The following IMPA2 variants were observed in gnomAD, a reference collection of about 807,000 sequenced individuals.
The protein encoded by IMPA2 is inositol monophosphatase 2.
Under a neutral mutation model 35.1 loss-of-function variants are expected in IMPA2, and 32 were observed. The ratio of observed to expected loss-of-function variants is 0.91; its 90% CI spans 0.69 to 1.23. The LOEUF is 1.23. Ranked by LOEUF, IMPA2 falls within the 50% of genes most tolerant of loss-of-function variation. IMPA2 has a pLI of 0.00. For synonymous variants in IMPA2, 135 were observed against 160.6 expected (o/e 0.84, Z 1.20); for missense variants, 334 against 387.6 (o/e 0.86, Z 1.16).
chr18:12,007,548 G>A (rs1342039843), intron 2 of IMPA2, among the ~76,000 whole-genome samples: 5 of 151,710 alleles, frequency 3.3e-5, no homozygotes. Context: ...ACCAGAACAT[G>A]GGACGCTTCT....
intron 5 of IMPA2, among the ~76,000 whole-genome samples, chr18:12,024,737 G>T (rs1907832455): frequency 6.7e-6 from 1 of 148,528 alleles, no homozygotes; most frequent in Admixed American, 6.8e-5. Flanking sequence ...CTCCCTCCCT[G>T]CCCTTCCTCC....
intron 1 of IMPA2, among the ~76,000 whole-genome samples, chr18:11,986,846 C>T (rs893013134): frequency 2.0e-5 from 3 of 152,358 alleles, no homozygotes; most frequent in Non-Finnish European, 4.4e-5. Flanking sequence ...CGTGTAGTGG[C>T]CCTGCCCGTG....
rs1435999501 is a variant in IMPA2, at chr18:12,028,866, A to C, written c.624A>C (p.Thr208=). The C allele has an allele frequency of 2.5e-6, 4 of 1,613,974 alleles. No homozygotes were observed. Among genetic ancestry groups the C allele is most frequent in the African/African-American group, 2.7e-5 (2 of 74,904 alleles). The part of the protein sequence containing the change: ...AHGVRVIGSS[T]LALCHLASGA... ...GGGTCCGAGTGATTGGAAGCTCCAC[A>C]TTGGCACTCTGCCACCTGGCCTCAG... Residue 208 remains threonine (T), a synonymous_variant, in exon 7 of 8, where the codon ACA becomes ACC. Transcript: ENST00000269159.
intron 6 of IMPA2, chr18:12,028,432 G>A (rs1907943400): frequency 6.3e-6 from 3 of 472,884 alleles, no homozygotes; most frequent in Non-Finnish European, 1.1e-5. Context: ...AATACTTACA[G>A]TCCTTCCCGA....
chr18:12,013,226 C>T (rs544014184), intron 4 of IMPA2, among the ~76,000 whole-genome samples: 5 of 152,270 alleles, frequency 3.3e-5, no homozygotes, highest in Non-Finnish European at 5.9e-5. Flanking sequence ...TGGTGGGCTC[C>T]TCCCCATGGG....
At chr18:11,993,489 A>T (rs2143783108) in intron 1 of IMPA2, among the ~76,000 whole-genome samples, 1 of 152,294 alleles carries the variant, frequency 6.6e-6, no homozygotes, top group East Asian at 1.9e-4. Flanking sequence ...TCTGGTGTAT[A>T]TGGGTGCATG....
In IMPA2 at chr18:11,986,020, A is replaced by C. The variant is rs149792674; in HGVS notation, c.96+4255A>C. ...TGAACACTTTGTTAGGGTCCCTTGC[A>C]GGCAAGTGGGGGCCTTGATGCTTAA... On this transcript the variant is annotated intron_variant, in intron 1 of 7. Coordinates refer to ENST00000269159, the MANE Select transcript of IMPA2 (RefSeq NM_014214.3). 3.0e-4 allele frequency among the ~76,000 whole-genome samples: 45 copies of C among 152,330 alleles called. No homozygotes were observed. The East Asian group carries it at 8.7e-3, about 29-fold the overall frequency.
In IMPA2 at chr18:11,991,837, C is replaced by A. The variant is rs190226398; in HGVS notation, c.97-7217C>A. ...AGATGCTGATGCCCTCGCAGAAACA[C>A]CCAGAACAATTTTTTTTTTTTTTTG... On this transcript the variant is annotated intron_variant, in intron 1 of 7. Transcript: ENST00000269159. The surrounding 1 kb of genome is among the most constrained non-coding windows in gnomAD (Gnocchi z 4.1). 6.8e-6 allele frequency among the ~76,000 whole-genome samples: 1 copy of A among 146,900 alleles called. No homozygotes were observed. The highest frequency in any genetic ancestry group is 2.6e-5 in the African/African-American group (1 of 37,794).
chr18:12,017,886 C>T, intron 5 of IMPA2: 1 of 268,396 alleles, frequency 3.7e-6, no homozygotes, highest in South Asian at 3.1e-5. Flanking sequence ...GCCACTGCAC[C>T]TGACCATATT....
chr18:12,023,892 C>T (rs532380898), intron 5 of IMPA2, among the ~76,000 whole-genome samples: 7 of 152,106 alleles, frequency 4.6e-5, no homozygotes, highest in African/African-American at 1.4e-4. Context: ...GTTGAGGGGG[C>T]GTATGTATAA....
intron 5 of IMPA2, chr18:12,017,695 T>C: frequency 2.6e-6 from 1 of 386,930 alleles, no homozygotes; most frequent in Non-Finnish European, 5.1e-6. Context: ...TTCAAGCAAT[T>C]CTCCTGCCTC....
rs1212337549 is a variant in IMPA2, at chr18:11,991,963, C to T, written c.97-7091C>T. Among the ~76,000 whole-genome samples the T allele has an allele frequency of 6.6e-6, 1 of 152,126 alleles. No individual in the cohort carries two copies. Among genetic ancestry groups the T allele is most frequent in the Non-Finnish European group, 1.5e-5 (1 of 68,030 alleles). ...GGCTCACGCGTTTCTCCTACCTCAG[C>T]CCCCTGAGTAGCTGGGATTATAGGC... is the stretch of plus-strand genomic sequence containing the variant. On this transcript the variant is annotated intron_variant, in intron 1 of 7. Coordinates refer to ENST00000269159, the MANE Select transcript of IMPA2 (RefSeq NM_014214.3). This position sits in a 1 kb window ranked among gnomAD's most constrained non-coding sequence, Gnocchi z 4.1.
intron 1 of IMPA2, among the ~76,000 whole-genome samples, chr18:11,993,139 C>G (rs605636): frequency 0.45 from 68,425 of 151,980 alleles, 17,472 homozygotes; most frequent in African/African-American, 0.69. Flanking sequence ...CATACAATAC[C>G]TCATGTGATT....
At chr18:11,995,443 C>T (rs1411841710) in intron 1 of IMPA2, among the ~76,000 whole-genome samples, 1 of 152,226 alleles carries the variant, frequency 6.6e-6, no homozygotes, top group African/African-American at 2.4e-5. Context: ...CAGCTCTGTG[C>T]TTGCTCCAAC....
Position 12,028,928 on chromosome 18 carries a change from G to A in IMPA2, c.686G>A (p.Cys229Tyr). The change falls in exon 7 of 8, where the codon TGC (cysteine) becomes TAC (tyrosine). Residue 229 changes from cysteine to tyrosine, a missense_variant. Cys to Tyr is a radical substitution (Grantham distance 194). Coordinates refer to ENST00000269159, the MANE Select transcript of IMPA2 (RefSeq NM_014214.3). ...ADAYYQFGLH[C>Y]WDLAAATVII... is the part of the protein sequence containing the mutation. ...GCCTATTACCAGTTTGGCCTGCACT[G>A]CTGGGATCTGGCGGCTGCCACAGTC... The A allele has an allele frequency of 1.2e-6, 2 of 1,614,104 alleles. No individual in the cohort carries two copies. Among genetic ancestry groups the A allele is most frequent in the South Asian group, 2.2e-5 (2 of 91,084 alleles).
intron 2 of IMPA2, among the ~76,000 whole-genome samples, chr18:12,008,980 G>C (rs1328736600): frequency 1.3e-5 from 2 of 151,970 alleles, no homozygotes; most frequent in African/African-American, 4.8e-5. Flanking sequence ...AGGCCACATG[G>C]AGGAGTGGAG....
Position 11,990,000 on chromosome 18 carries a change from C to T in IMPA2, c.96+8235C>T, listed in dbSNP as rs542094494. ...GACATTGAGAAGGAGAGGGGAGTTCCGGAGTCTAGGCCCCTCCCTCTCTCC... is the reference window on the plus strand; with the variant it reads ...GACATTGAGAAGGAGAGGGGAGTTCTGGAGTCTAGGCCCCTCCCTCTCTCC... On this transcript the variant is annotated intron_variant, in intron 1 of 7. Transcript: ENST00000269159. Among the ~76,000 whole-genome samples the T allele has an allele frequency of 1.2e-4, 18 of 152,270 alleles. No individual in the cohort carries two copies. In the South Asian group the frequency reaches 2.3e-3, roughly 19 times the overall value.
At chr18:12,009,805 A>T in intron 2 of IMPA2, 78 bp from the exon 3 acceptor site, 2 of 1,041,554 alleles carry the variant, frequency 1.9e-6, no homozygotes, top group Non-Finnish European at 3.0e-6. Context: ...CTTTTTCTTT[A>T]ATGGGACTGG....
chr18:12,018,959 G>T (rs140604170), intron 5 of IMPA2, among the ~76,000 whole-genome samples: 3,435 of 151,502 alleles, frequency 0.023, 127 homozygotes, highest in African/African-American at 0.074. Flanking sequence ...AAGTAGCTAG[G>T]ACTACAGGTG....
Sources: allele counts gnomAD v4.1 joint callset (sites outside exome capture counted in the v4.1 genomes callset), GRCh38; gene constraint gnomAD v4.1.1; non-coding constraint Gnocchi (gnomAD v3.1); transcripts MANE v1.5; gene names NCBI Gene and HGNC (gene_info 2026-07-23, HGNC 2026-07-21).